NSUN2: variants seen among roughly 807,000 people sequenced by gnomAD.
The protein encoded by NSUN2 is NOP2/Sun RNA methyltransferase 2.
A neutral mutation model predicts 92.7 loss-of-function variants in NSUN2; 63 were observed. That is an observed-to-expected ratio of 0.68 (90% confidence interval 0.56 to 0.84). NSUN2 has a LOEUF of 0.84. NSUN2 is among the 40% of genes least tolerant of loss of function. The pLI is 0.00. For synonymous variants in NSUN2, 356 were observed against 348.3 expected, an observed-to-expected ratio of 1.02 and a Z score of -0.25; for missense variants, 989 against 964.9, an observed-to-expected ratio of 1.02 and a Z score of -0.33.
intron 11 of NSUN2, 141 bp downstream of exon 11, chr5:6,610,814 A>G (rs759135145): frequency 1.1e-6 from 1 of 923,372 alleles, no homozygotes; most frequent in Non-Finnish European, 1.6e-6. Flanking sequence ...GTTCACACAC[A>G]TGGGGTTGAC....
chr5:6,611,059 A>C lies in NSUN2; in HGVS notation c.1122T>G (p.Phe374Leu). ...WKVMTKDGQW[F>L]TDWDAVPHSR... The stretch of plus-strand genomic sequence containing the variant: ...TGTGAGGAACAGCGTCCCAGTCTGT[A>C]AACCACTGCCCATCTTTCGTCATTA... Residue 374 changes from phenylalanine to leucine, a missense_variant, in exon 11 of 19, where the codon TTT becomes TTG. Physicochemically the swap from Phe to Leu is conservative, Grantham distance 22. Transcript: ENST00000264670. 6.2e-7 allele frequency: 1 copy of C among 1,614,190 alleles called. No homozygotes were observed. Among genetic ancestry groups the C allele is most frequent in the Non-Finnish European group, 8.5e-7 (1 of 1,180,034 alleles).
intron 9 of NSUN2, among the ~76,000 whole-genome samples, chr5:6,616,403 G>A (rs563834223): frequency 5.3e-5 from 8 of 152,332 alleles, no homozygotes; most frequent in African/African-American, 1.2e-4. Flanking sequence ...AGCCAGTCAC[G>A]AAAAGACAAA....
rs1737968579 is a variant in NSUN2, at chr5:6,632,581, C to G, written c.254+18G>C. 1.2e-6 allele frequency: 2 copies of G among 1,611,458 alleles called. No individual in the cohort carries two copies. The highest frequency in any genetic ancestry group is 1.3e-5 in the African/African-American group (1 of 74,846). On this transcript the variant is annotated intron_variant, in intron 2 of 18. Transcript: ENST00000264670. Reference sequence around the variant, plus strand: ...ATCCTGGCCCCAACTCCCAAAAAATCAGGCACTGCCTCCCTACCTTTTGTA... The same window carrying G: ...ATCCTGGCCCCAACTCCCAAAAAATGAGGCACTGCCTCCCTACCTTTTGTA...
In NSUN2 at chr5:6,600,490, A is replaced by C. The variant is rs73737133; in HGVS notation, c.1998-258T>G. On this transcript the variant is annotated intron_variant, in intron 18 of 18. Transcript: ENST00000264670. The stretch of plus-strand genomic sequence containing the variant: ...AGTTCACAATGGAGTAGAGGCCCCA[A>C]ATCTACAGATTTCACATACACTTTC... 0.04 allele frequency among the ~76,000 whole-genome samples: 6,097 copies of C among 152,158 alleles called. 437 individuals are homozygous for C. Among genetic ancestry groups the C allele is most frequent in the African/African-American group, 0.14 (5,732 of 41,464 alleles).
chr5:6,606,332 G>A (rs6555404), intron 14 of NSUN2, among the ~76,000 whole-genome samples: 51,954 of 152,028 alleles, frequency 0.34, 9,103 homozygotes, highest in Middle Eastern at 0.43. Flanking sequence ...CGCCCAGGCT[G>A]GAGTGCAGCG....
At chr5:6,607,650 C>T (rs189089480) in intron 12 of NSUN2, among the ~76,000 whole-genome samples, 1 of 152,298 alleles carries the variant, frequency 6.6e-6, no homozygotes, top group Admixed American at 6.5e-5. Context: ...TTAGCAGAGG[C>T]CTACACCACC....
intron 9 of NSUN2, among the ~76,000 whole-genome samples, chr5:6,615,282 T>C (rs1737162865): frequency 6.6e-6 from 1 of 152,202 alleles, no homozygotes; most frequent in Admixed American, 6.5e-5. Context: ...GAAAGCAGAC[T>C]GTGGCAAGGG....
At chr5:6,617,679 C>T (rs1158875714) in intron 8 of NSUN2, among the ~76,000 whole-genome samples, 3 of 152,132 alleles carry the variant, frequency 2.0e-5, no homozygotes, top group Non-Finnish European at 2.9e-5. Flanking sequence ...GGTAAACGGT[C>T]ATTTCATGGA....
At position 6,600,205 on chromosome 5, in the gene NSUN2, G is replaced by C. The variant is rs139224594; in HGVS notation, c.2025C>G (p.Ile675Met). 1.5e-4 allele frequency: 241 copies of C among 1,614,024 alleles called. No individual in the cohort carries two copies. The highest frequency in any genetic ancestry group is 1.8e-4 in the Non-Finnish European group (213 of 1,180,010). ...CCTTTCCCCGCCATCCGCATAAGAC[G>C]ATGGGACACTGCAGAGCGTCTGGAT... ...SANPDALQCP[I>M]VLCGWRGKAS... The change falls in exon 19 of 19, where the codon ATC becomes ATG. Residue 675 changes from isoleucine (I) to methionine (M), a missense_variant. Around this residue, in one of 3 missense-constraint regions of NSUN2, gnomAD observed 626 missense variants for 602.3 expected, o/e 1.04. Transcript: ENST00000264670.
chr5:6,622,847 C>A (rs1265587843), intron 5 of NSUN2, among the ~76,000 whole-genome samples: 51 of 126,874 alleles, frequency 4.0e-4, no homozygotes, highest in Admixed American at 5.7e-4. Flanking sequence ...AACTCCATCT[C>A]AAAAAAAAAA....
At chr5:6,618,060 A>G (rs774432615) in intron 7 of NSUN2, 36 bp from the exon 8 acceptor site, 3 of 1,468,812 alleles carry the variant, frequency 2.0e-6, no homozygotes, top group Non-Finnish European at 2.9e-6. Flanking sequence ...AAAGCTCCCT[A>G]CAGGTGGATG....
intron 3 of NSUN2, among the ~76,000 whole-genome samples, chr5:6,627,804 T>C (rs548942361): frequency 2.3e-4 from 35 of 152,330 alleles, no homozygotes; most frequent in Admixed American, 5.9e-4. Context: ...CATCATCTTT[T>C]TATGAACCAA....
intron 10 of NSUN2, 108 bp from the exon 11 acceptor site, chr5:6,611,193 T>C (rs1736975032): frequency 4.8e-6 from 6 of 1,248,324 alleles, no homozygotes; most frequent in Non-Finnish European, 6.8e-6. Flanking sequence ...GTGATTCTCA[T>C]TCACTCCAAA....
intron 9 of NSUN2, among the ~76,000 whole-genome samples, chr5:6,612,438 A>G (rs1214917813): frequency 1.3e-5 from 2 of 152,208 alleles, no homozygotes; most frequent in Non-Finnish European, 2.9e-5. Flanking sequence ...TTTAAAAACA[A>G]TGCGATAAGA....
chr5:6,603,918 C>T (rs1012806338), intron 17 of NSUN2: 3 of 483,196 alleles, frequency 6.2e-6, no homozygotes, highest in South Asian at 4.8e-5. Context: ...CAGCAGGGCA[C>T]CACCAGAGCC....
Position 6,602,481 on chromosome 5 carries a change from C to T in NSUN2, c.1977G>A (p.Leu659=). 1.9e-6 allele frequency: 3 copies of T among 1,614,130 alleles called. No individual in the cohort carries two copies. The highest frequency in any genetic ancestry group is 2.5e-6 in the Non-Finnish European group (3 of 1,180,046). Reference sequence around the variant, plus strand: ...CTTACGCAGAATCTGGTTCATACTTCAGCACGATGCTTCCCTTTGCTGGAA... The same window carrying T: ...CTTACGCAGAATCTGGTTCATACTTTAGCACGATGCTTCCCTTTGCTGGAA... ...AKDLAKGSIV[L]KYEPDSANPD... The change falls in exon 18 of 19, where the codon CTG becomes CTA. Residue 659 remains leucine, a synonymous_variant. Coordinates refer to ENST00000264670, the MANE Select transcript of NSUN2 (RefSeq NM_017755.6).
At chr5:6,614,126 A>ACCTCC (rs1737118649) in intron 9 of NSUN2, among the ~76,000 whole-genome samples, 1 of 18,830 alleles carries the variant, frequency 5.3e-5, no homozygotes, top group Non-Finnish European at 1.2e-4. Context: ...AAAAAAACCC[A>ACCTCC]CAACACACAC....
At chr5:6,614,958 G>A (rs1412530377) in intron 9 of NSUN2, among the ~76,000 whole-genome samples, 2 of 152,040 alleles carry the variant, frequency 1.3e-5, no homozygotes, top group Non-Finnish European at 2.9e-5. Context: ...AAGCTTACAA[G>A]AGAAAAAGGA....
intron 16 of NSUN2, 46 bp downstream of exon 16, chr5:6,604,539 CCCATCTACTCCCGACTGCTT>C (rs1285938918): frequency 7.1e-7 from 1 of 1,409,692 alleles, no homozygotes; most frequent in Non-Finnish European, 1.0e-6. Context: ...GACCAGCAAG[CCCATCTACTCCCGACTGCTT>C]CAGTCATCTG....
Sources: gnomAD v4.1 joint callset for allele counts (sites outside exome capture counted in the v4.1 genomes callset) on GRCh38, gnomAD v4.1.1 for gene constraint, gnomAD v4.1.1 regional missense constraint, MANE v1.5 for transcripts, NCBI Gene and HGNC (gene_info 2026-07-23, HGNC 2026-07-21) for gene names.